The following TRPM3 variants were observed in gnomAD, a reference collection of about 807,000 sequenced individuals.
TRPM3 encodes transient receptor potential cation channel subfamily M member 3.
Under a neutral mutation model 181.2 loss-of-function variants are expected in TRPM3, and 77 were observed. The observed-to-expected ratio is 0.42, with a 90% CI of 0.35 to 0.51. The LOEUF is 0.51. Ranked by LOEUF, TRPM3 falls within the 20% of genes least tolerant of loss-of-function variation. TRPM3 has a pLI of 0.01. For synonymous variants in TRPM3, 745 were observed against 796.4 expected, an observed-to-expected ratio of 0.94 and a Z score of 1.09; for missense variants, 1,759 against 2,196.7, an observed-to-expected ratio of 0.80 and a Z score of 3.98.
In TRPM3 at chr9:71,444,111, G is replaced by A. The variant is rs905901730; in HGVS notation, c.183+2542C>T. ...GGAGAATCACTTGAACCAGGGAGGC[G>A]GAAGTTGCAGTGAGCCAAGATTGTG... On this transcript the variant is annotated intron_variant, in intron 1 of 24. Transcript: ENST00000357533. 2.7e-5 allele frequency among the ~76,000 whole-genome samples: 4 copies of A among 149,940 alleles called. No homozygotes were observed. The East Asian group carries it at 5.9e-4, about 22-fold the overall frequency.
chr9:70,823,365 T>C (rs1479981909), intron 6 of TRPM3, among the ~76,000 whole-genome samples: 2 of 148,888 alleles, frequency 1.3e-5, no homozygotes, highest in African/African-American at 2.5e-5. Flanking sequence ...CCAGATCCAG[T>C]CTTGGTTAGA....
intron 1 of TRPM3, among the ~76,000 whole-genome samples, chr9:71,403,361 G>A (rs1486537979): frequency 6.6e-6 from 1 of 152,160 alleles, no homozygotes; most frequent in African/African-American, 2.4e-5. Context: ...TCTAGAGAAA[G>A]AAGCAACGGA....
In TRPM3 at chr9:71,121,520, A is replaced by G; in HGVS notation, c.-166T>C. 7.1e-7 allele frequency: 1 copy of G among 1,404,276 alleles called. No individual in the cohort carries two copies. The highest frequency in any genetic ancestry group is 9.2e-7 in the Non-Finnish European group (1 of 1,082,670). The allele number at this position is 1,404,276 out of a possible 1,614,324, so 87.0% of individuals were successfully genotyped here. On this transcript the variant is annotated 5_prime_UTR_variant, in exon 1 of 26. Coordinates refer to ENST00000677713, the MANE Select transcript of TRPM3 (RefSeq NM_001366145.2). Reference sequence around the variant, plus strand: ...ATACCAAATGTGGCTGAATGGAGGCACACTGCCTGCTGCTTCGGGGAGGGG... The same window carrying G: ...ATACCAAATGTGGCTGAATGGAGGCGCACTGCCTGCTGCTTCGGGGAGGGG...
intron 1 of TRPM3, among the ~76,000 whole-genome samples, chr9:71,253,502 G>T (rs1338153508): frequency 6.6e-6 from 1 of 152,156 alleles, no homozygotes; most frequent in Non-Finnish European, 1.5e-5. Flanking sequence ...AGCCAAAAAT[G>T]TCAATAGTGC....
intron 9 of TRPM3, among the ~76,000 whole-genome samples, chr9:70,655,821 A>T (rs2060258117): frequency 1.3e-5 from 2 of 152,164 alleles, no homozygotes; most frequent in Admixed American, 1.3e-4. Context: ...AAAGAGTTAT[A>T]ATAATTTAAA....
intron 22 of TRPM3, among the ~76,000 whole-genome samples, chr9:70,580,736 G>A (rs1647855213): frequency 1.3e-5 from 2 of 152,194 alleles, no homozygotes; most frequent in South Asian, 2.1e-4. Context: ...TTGTGATCCA[G>A]CTTAACTGTT....
intron 22 of TRPM3, among the ~76,000 whole-genome samples, chr9:70,582,208 G>GTC (rs1471066729): frequency 1.3e-5 from 2 of 150,630 alleles, no homozygotes; most frequent in Admixed American, 6.6e-5. Flanking sequence ...GTGTGTGTGT[G>GTC]TGTCATGAAT....
At chr9:71,366,531 A>G (rs894395831) in intron 1 of TRPM3, among the ~76,000 whole-genome samples, 41 of 152,118 alleles carry the variant, frequency 2.7e-4, no homozygotes, top group African/African-American at 9.7e-4. Flanking sequence ...TACCTACAGA[A>G]CCAGTTGGCC....
At position 71,092,859 on chromosome 9, in the gene TRPM3, A is replaced by G. The variant is rs569158261; in HGVS notation, c.177+28319T>C. 3.9e-5 allele frequency among the ~76,000 whole-genome samples: 6 copies of G among 152,320 alleles called. No individual in the cohort carries two copies. In the South Asian group the frequency reaches 6.2e-4, roughly 16 times the overall value. ...TAACTTCAAATTACACTAAAAAGCT[A>G]CAGTAACCAAACAGCATGGTACTGG... On this transcript the variant is annotated intron_variant, in intron 1 of 25. Coordinates refer to ENST00000677713, the MANE Select transcript of TRPM3 (RefSeq NM_001366145.2).
At chr9:71,029,562 A>T (rs1486427320) in intron 1 of TRPM3, among the ~76,000 whole-genome samples, 1 of 152,204 alleles carries the variant, frequency 6.6e-6, no homozygotes, top group African/African-American at 2.4e-5. Context: ...GTTACATGAA[A>T]TATGATACAG....
chr9:71,062,084 G>C (rs2061398894), intron 1 of TRPM3, among the ~76,000 whole-genome samples: 1 of 151,996 alleles, frequency 6.6e-6, no homozygotes, highest in Non-Finnish European at 1.5e-5. Context: ...CTAGAACCTA[G>C]AAATATCTTC....
At chr9:70,620,588 C>T (rs983233677) in intron 15 of TRPM3, among the ~76,000 whole-genome samples, 26 of 152,152 alleles carry the variant, frequency 1.7e-4, no homozygotes, top group Non-Finnish European at 3.4e-4. Flanking sequence ...CAGTGTTACA[C>T]TCTGATTAAA....
intron 1 of TRPM3, among the ~76,000 whole-genome samples, chr9:71,080,203 T>TAAATAAATAAATA (rs1483714998): frequency 1.5e-4 from 23 of 150,048 alleles, no homozygotes; most frequent in African/African-American, 3.9e-4. Flanking sequence ...AATAAATAAA[T>TAAATAAATAAATA]AAATAAAATA....
Position 71,066,898 on chromosome 9 carries a change from C to A in TRPM3, c.177+54280G>T, listed in dbSNP as rs539633911. 2.0e-5 allele frequency among the ~76,000 whole-genome samples: 3 copies of A among 152,288 alleles called. No individual in the cohort carries two copies. In the East Asian group the frequency reaches 5.8e-4, roughly 29 times the overall value. On this transcript the variant is annotated intron_variant, in intron 1 of 25. Transcript: ENST00000677713. ...TCATCTCTCTGAAATCAAAAGTTAA[C>A]ACCTTATAAGCTACACATTCATAAC... is the stretch of plus-strand genomic sequence containing the variant.
At chr9:70,946,692 ACCCGAAATCC>A in intron 1 of TRPM3, among the ~76,000 whole-genome samples, 1 of 152,178 alleles carries the variant, frequency 6.6e-6, no homozygotes, top group African/African-American at 2.4e-5. Context: ...TATTACCAGC[ACCCGAAATCC>A]CTCCTCATCC....
At chr9:71,285,397 A>T (rs1296733864) in intron 1 of TRPM3, among the ~76,000 whole-genome samples, 1 of 152,116 alleles carries the variant, frequency 6.6e-6, no homozygotes, top group Admixed American at 6.5e-5. Context: ...TTTTTTGTGT[A>T]CCCAAACAAG....
rs569520128 is a variant in TRPM3, at chr9:70,608,561, C to T, written c.2667+2048G>A. 2.8e-3 allele frequency among the ~76,000 whole-genome samples: 424 copies of T among 152,150 alleles called. 1 individual carries two copies. Among genetic ancestry groups the T allele is most frequent in the African/African-American group, 6.6e-3 (274 of 41,494 alleles). ...TGCAAAAATATTATCTCGGGCTGGG[C>T]GCAGTGGTTATTGCCTGTAATCCCA... On this transcript the variant is annotated intron_variant, in intron 19 of 25. Transcript: ENST00000677713.
chr9:70,601,064 C>A (rs1242803640), intron 20 of TRPM3, among the ~76,000 whole-genome samples: 1 of 152,070 alleles, frequency 6.6e-6, no homozygotes, highest in Non-Finnish European at 1.5e-5. Context: ...GTAGAAAGAG[C>A]AGTGAGTCTA....
At chr9:70,772,897 C>A (rs562492352) in intron 7 of TRPM3, among the ~76,000 whole-genome samples, 3 of 152,320 alleles carry the variant, frequency 2.0e-5, no homozygotes, top group East Asian at 3.9e-4. Flanking sequence ...TGAGTTCATT[C>A]CAAGTGCAAT....
Sources: allele counts gnomAD v4.1 joint callset (sites outside exome capture counted in the v4.1 genomes callset), GRCh38; gene constraint gnomAD v4.1.1; transcripts MANE v1.5; gene names NCBI Gene and HGNC (gene_info 2026-07-23, HGNC 2026-07-21).